BRF1: variants seen among roughly 807,000 people sequenced by gnomAD.
The protein encoded by BRF1 is transcription factor IIIB 90 kDa subunit.
In BRF1, 59 loss-of-function variants were observed where a neutral mutation model predicts 81.7. The ratio of observed to expected loss-of-function variants is 0.72; its 90% CI spans 0.59 to 0.90. The LOEUF is 0.90. BRF1 is among the 40% of genes least tolerant of loss of function. The probability of loss-of-function intolerance (pLI) is 0.00; values close to 1 mark genes in which losing one functional copy is unlikely to be tolerated. For synonymous variants in BRF1, 491 were observed against 395.6 expected (o/e 1.24, Z -2.86); for missense variants, 1,050 against 936.3 (o/e 1.12, Z -1.58).
At chr14:105,296,173 G>A (rs1237601430) in intron 1 of BRF1, among the ~76,000 whole-genome samples, 1 of 151,852 alleles carries the variant, frequency 6.6e-6, no homozygotes, top group Non-Finnish European at 1.5e-5. Context: ...AGCACTTTGG[G>A]AGGCCAAGGC....
Position 105,209,740 on chromosome 14 carries a change from C to T in BRF1, c.*811G>A, listed in dbSNP as rs1368272444. 1.7e-6 allele frequency: 1 copy of T among 603,534 alleles called. No individual in the cohort carries two copies. The highest frequency in any genetic ancestry group is 2.8e-5 in the East Asian group (1 of 35,776). The allele number at this position is 603,534 out of a possible 1,614,324, so 37.4% of individuals were successfully genotyped here. A position where few individuals can be genotyped will look rare whatever the true frequency, so the allele number is the denominator to read the frequency against. ...TCCCAGCGCCAGGACACTATGCAGGCTATGCCCGCACTGCCTACAGAGCTA... is the reference window on the plus strand; with the variant it reads ...TCCCAGCGCCAGGACACTATGCAGGTTATGCCCGCACTGCCTACAGAGCTA... On this transcript the variant is annotated 3_prime_UTR_variant, in exon 18 of 18. Coordinates refer to ENST00000547530, the MANE Select transcript of BRF1 (RefSeq NM_001519.4).
At position 105,272,134 on chromosome 14, in the gene BRF1, G is replaced by T. The variant is rs80352119; in HGVS notation, c.439+587C>A. 1.2e-4 allele frequency among the ~76,000 whole-genome samples: 14 copies of T among 112,782 alleles called. 3 individuals are homozygous for T. Among genetic ancestry groups the T allele is most frequent in the Non-Finnish European group, 2.5e-4 (13 of 51,746 alleles). 74.0% of individuals were successfully genotyped at this position (112,782 alleles called of 152,430 possible). The stretch of plus-strand genomic sequence containing the variant: ...ACCGCTGAGGGTCGGGGGCCTCCTC[G>T]CCCACCGCCTGCGGTCACGGTGTCC... On this transcript the variant is annotated intron_variant, in intron 3 of 17. Transcript: ENST00000547530.
intron 16 of BRF1, 81 bp from the exon 17 acceptor site, chr14:105,211,374 G>A: frequency 1.5e-6 from 2 of 1,317,466 alleles, no homozygotes; most frequent in Non-Finnish European, 2.0e-6. Context: ...CACCAGGGCT[G>A]GCCCAGGATG....
Position 105,269,005 on chromosome 14 carries a change from G to A in BRF1, c.439+3716C>T, listed in dbSNP as rs2056547541. ...TGAGCCCAGCCAGCCAGCTGGGGCT[G>A]CAGGAGGCGAGGACAGTGGCCAGAG... On this transcript the variant is annotated intron_variant, in intron 3 of 17. Coordinates refer to ENST00000547530, the MANE Select transcript of BRF1 (RefSeq NM_001519.4). This position sits in a 1 kb window ranked among gnomAD's most constrained non-coding sequence, Gnocchi z 5.0. 6.6e-6 allele frequency among the ~76,000 whole-genome samples: 1 copy of A among 152,238 alleles called. No individual in the cohort carries two copies. The highest frequency in any genetic ancestry group is 6.5e-5 in the Admixed American group (1 of 15,294).
At chr14:105,229,472 G>C (rs912391828) in intron 6 of BRF1, among the ~76,000 whole-genome samples, 16 of 152,236 alleles carry the variant, frequency 1.1e-4, no homozygotes, top group African/African-American at 3.9e-4. Flanking sequence ...TAAGGGCCCG[G>C]ATGAGGAGTG....
intron 5 of BRF1, chr14:105,249,155 AG>A: frequency 6.4e-7 from 1 of 1,572,638 alleles, no homozygotes; most frequent in Non-Finnish European, 8.6e-7. Flanking sequence ...CTACCTTTGC[AG>A]GAACGCGCTC....
chr14:105,297,431 G>T (rs2057792207), intron 1 of BRF1, among the ~76,000 whole-genome samples: 1 of 151,972 alleles, frequency 6.6e-6, no homozygotes, highest in Non-Finnish European at 1.5e-5. Context: ...TTAGCTGGGT[G>T]TGGTGGCGTG....
In BRF1 at chr14:105,211,021, T is replaced by C. The variant is rs895810832; in HGVS notation, c.1996+101A>G. On this transcript the variant is annotated intron_variant, in intron 17 of 17. Transcript: ENST00000547530. ...ATTTCTTTCCAGGGAGAAACAGAAA[T>C]TTAGTTTGAAGCTAACAGGCCCAAG... 2.2e-4 allele frequency: 334 copies of C among 1,510,760 alleles called. 1 individual carries two copies. The South Asian group carries it at 3.1e-3, about 14-fold the overall frequency. 93.6% of individuals were successfully genotyped at this position (1,510,760 alleles called of 1,614,324 possible). A position where few individuals can be genotyped will look rare whatever the true frequency, so the allele number is the denominator to read the frequency against.
At chr14:105,301,922 A>G (rs1018319605), upstream of BRF1, among the ~76,000 whole-genome samples, 5 of 152,194 alleles carry the variant, frequency 3.3e-5, no homozygotes, top group African/African-American at 9.6e-5. Flanking sequence ...GGATCACGTA[A>G]GGTGAGGAGT....
chr14:105,264,285 A>C (rs780116754), intron 3 of BRF1, among the ~76,000 whole-genome samples: 4 of 152,044 alleles, frequency 2.6e-5, no homozygotes, highest in African/African-American at 4.8e-5. Context: ...AGGCTGGGCA[A>C]CATAGCAAGA....
chr14:105,219,216 G>A lies in BRF1; in HGVS notation c.1394C>T (p.Ser465Leu), dbSNP rs1891840881. Residue 465 changes from serine (S) to leucine (L), a missense_variant, in exon 13 of 18, where the codon TCG (serine) becomes TTG (leucine). Physicochemically the swap from Ser to Leu is moderately radical, Grantham distance 145. This residue lies in a region of BRF1 where 1,043 missense variants were observed against 915.4 expected (regional missense o/e 1.14). Transcript: ENST00000547530. ...LEIDRYILNE[S>L]EARVKAELWM... Reference sequence around the variant, plus strand: ...CAGCTCGGCCTTCACGCGGGCTTCCGACTCATTCAGGATGTACTGGGCGAG... The same window carrying A: ...CAGCTCGGCCTTCACGCGGGCTTCCAACTCATTCAGGATGTACTGGGCGAG... 1.2e-5 allele frequency: 19 copies of A among 1,612,418 alleles called. No homozygotes were observed. The highest frequency in any genetic ancestry group is 3.3e-5 in the Admixed American group (2 of 59,974).
At chr14:105,249,449 G>A (rs1455705944) in intron 5 of BRF1, 3 of 1,613,654 alleles carry the variant, frequency 1.9e-6, no homozygotes, top group Admixed American at 3.3e-5. Flanking sequence ...TTCCAGACGT[G>A]GAGCCCGCAG....
At chr14:105,217,409 C>A in intron 15 of BRF1, 135 bp downstream of exon 15, 1 of 1,383,012 alleles carries the variant, frequency 7.2e-7, no homozygotes, top group Non-Finnish European at 9.8e-7. Context: ...CAGTCCCCAG[C>A]ATGCAGGTGG....
rs587713062 is a variant in BRF1 at position 105,306,763 on chromosome 14, G to A, written c.-162+8559C>T. Reference sequence around the variant, plus strand: ...TAGGATTACAGGCACCTGCCACTGCGCCCAGCTAATTTTTGTATTTTTAGT... The same window carrying A: ...TAGGATTACAGGCACCTGCCACTGCACCCAGCTAATTTTTGTATTTTTAGT... On this transcript the variant is annotated intron_variant, in intron 1 of 17. Transcript: ENST00000327359. 2.5e-3 allele frequency among the ~76,000 whole-genome samples: 383 copies of A among 152,230 alleles called. 2 individuals carry two copies. Among genetic ancestry groups the A allele is most frequent in the African/African-American group, 8.7e-3 (363 of 41,536 alleles).
intron 5 of BRF1, chr14:105,249,772 G>A: frequency 1.2e-6 from 2 of 1,613,872 alleles, no homozygotes; most frequent in Non-Finnish European, 1.7e-6. Flanking sequence ...TGGAAGCCAA[G>A]AACGCCTGCG....
chr14:105,308,483 T>A (rs1297368583), intron 1 of BRF1, among the ~76,000 whole-genome samples: 2 of 144,630 alleles, frequency 1.4e-5, no homozygotes, highest in Non-Finnish European at 3.0e-5. Context: ...GATTCTGTCT[T>A]TTTTTTTTTT....
chr14:105,299,496 G>T (rs938349704), intron 1 of BRF1, among the ~76,000 whole-genome samples: 8 of 152,012 alleles, frequency 5.3e-5, no homozygotes, highest in African/African-American at 1.7e-4. Context: ...AATTGCCTGA[G>T]CCTAGGAGTT....
intron 5 of BRF1, chr14:105,248,390 C>T: frequency 1.0e-6 from 1 of 985,390 alleles, no homozygotes; most frequent in Non-Finnish European, 1.2e-6. Context: ...CGCCTGCCAG[C>T]GCCGGGAGCC....
chr14:105,293,542 G>A (rs2057608108), intron 1 of BRF1, among the ~76,000 whole-genome samples: 1 of 152,254 alleles, frequency 6.6e-6, no homozygotes, highest in Admixed American at 6.5e-5. Context: ...TGCTGGCAGA[G>A]GGAAGCCTCA....
Sources: allele counts gnomAD v4.1 joint callset (sites outside exome capture counted in the v4.1 genomes callset), GRCh38; gene constraint gnomAD v4.1.1; regional missense constraint gnomAD v4.1.1; non-coding constraint Gnocchi (gnomAD v3.1); transcripts MANE v1.5; gene names NCBI Gene and HGNC (gene_info 2026-07-23, HGNC 2026-07-21).